Variants in ANKS1B observed in about 807,000 individuals in gnomAD.
ANKS1B encodes the protein ankyrin repeat and sterile alpha motif domain-containing protein 1B.
In ANKS1B, 36 loss-of-function variants were observed where a neutral mutation model predicts 148.3. The observed-to-expected ratio is 0.24, with a 90% confidence interval of 0.19 to 0.32. The LOEUF (loss-of-function observed/expected upper bound fraction) is 0.32, where lower values mean the gene tolerates loss of function less well. ANKS1B is among the 10% of genes least tolerant of loss of function. The pLI, the probability that ANKS1B is intolerant of heterozygous loss-of-function variation, is 1.00. For missense variants in ANKS1B, 1,157 were observed against 1,542.6 expected (o/e 0.75, Z 4.19); for synonymous variants, 542 against 560.8 (o/e 0.97, Z 0.47).
chr12:99,976,859 C>T (rs1179609174), intron 1 of ANKS1B, among the ~76,000 whole-genome samples: 1 of 152,186 alleles, frequency 6.6e-6, no homozygotes, highest in Non-Finnish European at 1.5e-5. Flanking sequence ...GGGTAGTTTA[C>T]AAACAATGTA....
chr12:99,534,803 G>A lies in ANKS1B; in HGVS notation c.1273-30162C>T, dbSNP rs539829017. ...CGGCTCACTGCAAGCTCCACCTCCC[G>A]GGTTTACCCCATTCTCCTGCCTCAG... On this transcript the variant is annotated intron_variant, in intron 9 of 26. Transcript: ENST00000683438. Among the ~76,000 whole-genome samples, 8 of 147,166 alleles carry A rather than the reference G, an allele frequency of 5.4e-5. No homozygotes were observed. The South Asian group carries it at 1.3e-3, about 24-fold the overall frequency.
intron 4 of ANKS1B, among the ~76,000 whole-genome samples, chr12:99,805,334 T>C (rs1177949435): frequency 1.6e-5 from 2 of 125,748 alleles, no homozygotes; most frequent in East Asian, 2.5e-4. Context: ...ATATCAAAAG[T>C]AGGCTGTGGC....
At chr12:98,756,253 G>A (rs1398672038) in intron 25 of ANKS1B, among the ~76,000 whole-genome samples, 1 of 152,118 alleles carries the variant, frequency 6.6e-6, no homozygotes, top group Non-Finnish European at 1.5e-5. Flanking sequence ...TCTTGTGATA[G>A]TGAATAAGTC....
downstream of ANKS1B, among the ~76,000 whole-genome samples, chr12:98,739,970 T>C (rs987118664): frequency 4.6e-5 from 7 of 152,126 alleles, no homozygotes; most frequent in African/African-American, 1.7e-4. Flanking sequence ...AGACAGACAT[T>C]GCTTACTTAG....
intron 12 of ANKS1B, among the ~76,000 whole-genome samples, chr12:99,315,764 G>A (rs949456643): frequency 1.3e-5 from 2 of 152,050 alleles, no homozygotes; most frequent in Non-Finnish European, 2.9e-5. Flanking sequence ...TTGGTGTGCT[G>A]CACTCATTAA....
At chr12:99,695,881 TTAAAA>T (rs895125130) in intron 8 of ANKS1B, among the ~76,000 whole-genome samples, 12 of 152,044 alleles carry the variant, frequency 7.9e-5, no homozygotes, top group Non-Finnish European at 1.3e-4. Flanking sequence ...ATCCCAGAAC[TTAAAA>T]TAAAATAAAA....
Position 99,712,843 on chromosome 12 carries a change from T to A in ANKS1B, c.1129-57633A>T, listed in dbSNP as rs530704632. ...ATCATGTTTCAAAACCCAGGAATAA[T>A]CCTCTGTGGCTGGAGGGTCCATCCT... is the stretch of plus-strand genomic sequence containing the variant. On this transcript the variant is annotated intron_variant, in intron 8 of 26. Coordinates refer to ENST00000683438, the MANE Select transcript of ANKS1B (RefSeq NM_001352186.2). Among the ~76,000 whole-genome samples, 439 of 152,318 alleles carry A rather than the reference T, an allele frequency of 2.9e-3. 5 individuals carry two copies. The highest frequency in any genetic ancestry group is 3.7e-3 in the Admixed American group (56 of 15,302).
chr12:99,697,280 C>A lies in ANKS1B; in HGVS notation c.1129-42070G>T, dbSNP rs2054075629. Among the ~76,000 whole-genome samples, 3 of 152,130 alleles carry A rather than the reference C, an allele frequency of 2.0e-5. No homozygotes were observed. The South Asian group carries it at 6.2e-4, about 31-fold the overall frequency. Reference sequence around the variant, plus strand: ...AAATAAACCCACAGAAAAATCTGCACAGGAATGTTTATAGCAGCTTTATTC... The same window carrying A: ...AAATAAACCCACAGAAAAATCTGCAAAGGAATGTTTATAGCAGCTTTATTC... On this transcript the variant is annotated intron_variant, in intron 8 of 26. Coordinates refer to ENST00000683438, the MANE Select transcript of ANKS1B (RefSeq NM_001352186.2).
In ANKS1B at chr12:99,640,549, T is replaced by C. The variant is rs192051945; in HGVS notation, c.1272+14518A>G. Among the ~76,000 whole-genome samples the C allele has an allele frequency of 3.7e-4, 56 of 152,332 alleles. 1 individual carries two copies. Among genetic ancestry groups the C allele is most frequent in the Middle Eastern group, 3.4e-3 (1 of 294 alleles). On this transcript the variant is annotated intron_variant, in intron 9 of 26. Transcript: ENST00000683438. ...TGACCTCTCTTACCCTCTCACCTTC[T>C]GCCTTGGGATGATGTAGGAAGAAAG...
intron 19 of ANKS1B, among the ~76,000 whole-genome samples, chr12:98,811,861 A>C (rs774805103): frequency 3.3e-5 from 5 of 152,142 alleles, no homozygotes; most frequent in Non-Finnish European, 7.3e-5. Flanking sequence ...CTGGGAATAG[A>C]TCTTCCAATA....
At chr12:99,886,907 G>A (rs2092851001) in intron 1 of ANKS1B, among the ~76,000 whole-genome samples, 2 of 152,178 alleles carry the variant, frequency 1.3e-5, no homozygotes, top group African/African-American at 4.8e-5. Context: ...CTCAGAGCAT[G>A]ACTTATAGAT....
intron 22 of ANKS1B, chr12:98,795,010 G>A (rs1336336622): frequency 1.7e-5 from 14 of 841,052 alleles, no homozygotes; most frequent in Non-Finnish European, 2.8e-5. Flanking sequence ...ATTTGAAAAT[G>A]CCCTTTGGAG....
At chr12:99,121,291 G>A (rs1450713946) in intron 15 of ANKS1B, among the ~76,000 whole-genome samples, 1 of 147,136 alleles carries the variant, frequency 6.8e-6, no homozygotes, top group Non-Finnish European at 1.5e-5. Flanking sequence ...AAGGCCTGAA[G>A]AACTGTTTTA....
At chr12:98,923,389 C>A (rs1182146769) in intron 17 of ANKS1B, among the ~76,000 whole-genome samples, 1 of 152,138 alleles carries the variant, frequency 6.6e-6, no homozygotes. Flanking sequence ...GTAGTCTGTT[C>A]TAGCAACATA....
intron 8 of ANKS1B, among the ~76,000 whole-genome samples, chr12:99,760,537 T>C (rs2061990532): frequency 6.6e-6 from 1 of 151,874 alleles, no homozygotes; most frequent in Admixed American, 6.6e-5. Context: ...ATCTCTGAGA[T>C]GCAGCAGAAG....
chr12:99,555,339 G>C (rs2097264663), intron 9 of ANKS1B, among the ~76,000 whole-genome samples: 1 of 152,040 alleles, frequency 6.6e-6, no homozygotes, highest in African/African-American at 2.4e-5. Context: ...GGAGCTTTTG[G>C]GTGGAGACTA....
chr12:99,603,704 A>T (rs1442275724), intron 9 of ANKS1B, among the ~76,000 whole-genome samples: 2 of 152,208 alleles, frequency 1.3e-5, no homozygotes, highest in Non-Finnish European at 1.5e-5. Context: ...TTCTGTTTAC[A>T]AAGTTATACT....
intron 14 of ANKS1B, among the ~76,000 whole-genome samples, chr12:99,199,884 T>C (rs963259430): frequency 3.3e-5 from 5 of 152,292 alleles, no homozygotes; most frequent in Middle Eastern, 3.4e-3. Flanking sequence ...AGCAAATGTC[T>C]TGATGTCATC....
chr12:99,780,856 A>G (rs994217207), intron 5 of ANKS1B, among the ~76,000 whole-genome samples: 1 of 152,200 alleles, frequency 6.6e-6, no homozygotes, highest in Non-Finnish European at 1.5e-5. Flanking sequence ...ACAAGGTCAA[A>G]TACTCTATGA....
Sources: gnomAD v4.1 joint callset for allele counts (sites outside exome capture counted in the v4.1 genomes callset) on GRCh38, gnomAD v4.1.1 for gene constraint, MANE v1.5 for transcripts, NCBI Gene and HGNC (gene_info 2026-07-23, HGNC 2026-07-21) for gene names.